The following TCEA3 variants were observed in gnomAD, a reference collection of about 807,000 sequenced individuals.
TCEA3 encodes the protein transcription elongation factor A protein 3.
A neutral mutation model predicts 44.0 loss-of-function variants in TCEA3; 36 were observed. That is an observed-to-expected ratio of 0.82 (90% CI 0.63 to 1.08). The LOEUF (loss-of-function observed/expected upper bound fraction) is 1.08, where lower values mean the gene tolerates loss of function less well. Among genes scored for constraint, TCEA3 ranks in the 50% least tolerant of loss-of-function variants. The probability of loss-of-function intolerance (pLI) is 0.00; values close to 1 mark genes in which losing one functional copy is unlikely to be tolerated. For missense variants in TCEA3, 392 were observed against 441.2 expected, an observed-to-expected ratio of 0.89 and a Z score of 1.00; for synonymous variants, 162 against 159.7, an observed-to-expected ratio of 1.01 and a Z score of -0.11.
chr1:23,396,235 A>C (rs1639211832), intron 7 of TCEA3, among the ~76,000 whole-genome samples: 1 of 152,130 alleles, frequency 6.6e-6, no homozygotes, highest in Non-Finnish European at 1.5e-5. Context: ...TGAACTCCGC[A>C]GGTAGAACCC....
chr1:23,403,963 G>T (rs1237146569), intron 5 of TCEA3: 10 of 616,592 alleles, frequency 1.6e-5, no homozygotes, highest in Non-Finnish European at 3.0e-5. Flanking sequence ...GAGCCAAACT[G>T]CAGAGAGGGC....
In TCEA3 at chr1:23,387,320, G is replaced by C; in HGVS notation, c.919C>G (p.Leu307Val). ...MAKTGGTTTD[L>V]FQCSKCKKKN... is the part of the protein sequence containing the mutation. ...TTCTTGCATTTGCTGCACTGGAAGA[G>C]GTCAGTGGTGGTGCCGCCAGTCTTG... The change falls in exon 9 of 11, where the codon CTC (leucine) becomes GTC (valine). Residue 307 changes from leucine to valine, a missense_variant. Leu to Val is a conservative substitution (Grantham distance 32, BLOSUM62 1). Transcript: ENST00000450454. 1 of 1,613,950 alleles carries C rather than the reference G, an allele frequency of 6.2e-7. No individual in the cohort carries two copies. The highest frequency in any genetic ancestry group is 8.5e-7 in the Non-Finnish European group (1 of 1,179,884).
At chr1:23,390,235 G>A (rs991778851) in intron 8 of TCEA3, among the ~76,000 whole-genome samples, 5 of 152,200 alleles carry the variant, frequency 3.3e-5, no homozygotes, top group African/African-American at 1.2e-4. Flanking sequence ...TCAGGAAGCC[G>A]AGGCGGGCAG....
At chr1:23,423,948 A>ACCTGTTCGGCCCCCGCC in intron 1 of TCEA3, 1 of 425,626 alleles carries the variant, frequency 2.3e-6, no homozygotes, top group South Asian at 1.6e-5. Context: ...GGGCCCCCGC[A>ACCTGTTCGGCCCCCGCC]CCTGTTCGGC....
At chr1:23,382,142 G>A (rs2148539185) in intron 10 of TCEA3, among the ~76,000 whole-genome samples, 1 of 151,682 alleles carries the variant, frequency 6.6e-6, no homozygotes, top group East Asian at 1.9e-4. Context: ...CGCCTCCTGA[G>A]TTCAAGCGAG....
At chr1:23,402,966 C>T (rs1274200468) in intron 5 of TCEA3, among the ~76,000 whole-genome samples, 1 of 152,188 alleles carries the variant, frequency 6.6e-6, no homozygotes, top group African/African-American at 2.4e-5. Flanking sequence ...TTTGGAAGGA[C>T]AGTGGCCCCA....
intron 5 of TCEA3, among the ~76,000 whole-genome samples, chr1:23,398,269 C>T (rs1292895549): frequency 6.6e-6 from 1 of 152,154 alleles, no homozygotes; most frequent in Non-Finnish European, 1.5e-5. Context: ...CCCAGGCAGT[C>T]GGCTCTTAAC....
Position 23,418,009 on chromosome 1 carries a change from T to C in TCEA3, c.133A>G (p.Thr45Ala). Residue 45 changes from threonine (T) to alanine (A), a missense_variant and splice_region_variant, in exon 3 of 11, where the codon ACA becomes GCA. Coordinates refer to ENST00000450454, the MANE Select transcript of TCEA3 (RefSeq NM_003196.3). The stretch of plus-strand genomic sequence containing the variant: ...TTAACAGCAACTCCAATCCTGGTTG[T>C]CTGCAAAGTGAGAGGGTTAAGGCAT... ...SCQMSIQLLQTTRIGVAVNGV... is the reference protein window; with the variant it reads ...SCQMSIQLLQATRIGVAVNGV... 1.9e-6 allele frequency: 3 copies of C among 1,614,002 alleles called. No individual in the cohort carries two copies. Among genetic ancestry groups the C allele is most frequent in the Non-Finnish European group, 2.5e-6 (3 of 1,179,870 alleles).
intron 4 of TCEA3, 116 bp from the exon 5 acceptor site, chr1:23,408,842 A>G (rs917740184): frequency 1.3e-5 from 12 of 929,660 alleles, no homozygotes; most frequent in African/African-American, 6.7e-5. Flanking sequence ...AAGGAAGCCC[A>G]CCCGGGCCAC....
At chr1:23,403,867 A>G in intron 5 of TCEA3, 1 of 522,108 alleles carries the variant, frequency 1.9e-6, no homozygotes. Context: ...CCCGGTTAGG[A>G]GCTGGCTGGC....
At chr1:23,412,809 T>C (rs1639773732) in intron 4 of TCEA3, among the ~76,000 whole-genome samples, 1 of 152,230 alleles carries the variant, frequency 6.6e-6, no homozygotes, top group Non-Finnish European at 1.5e-5. Context: ...AAAAGCTGCT[T>C]AATTTGTCTG....
At chr1:23,392,400 A>C (rs151321759) in intron 8 of TCEA3, among the ~76,000 whole-genome samples, 1 of 18,948 alleles carries the variant, frequency 5.3e-5, no homozygotes, top group African/African-American at 2.7e-4. Context: ...AACACACTCC[A>C]CACATCATCA....
At chr1:23,401,054 A>T (rs1199717972) in intron 5 of TCEA3, among the ~76,000 whole-genome samples, 1 of 152,192 alleles carries the variant, frequency 6.6e-6, no homozygotes, top group Non-Finnish European at 1.5e-5. Context: ...CTCAGGATCA[A>T]CAACCTGGAG....
At chr1:23,387,860 C>T (rs576882628) in intron 8 of TCEA3, among the ~76,000 whole-genome samples, 39 of 152,300 alleles carry the variant, frequency 2.6e-4, no homozygotes, top group Admixed American at 1.2e-3. Flanking sequence ...CCCTGCTGTT[C>T]TGCTTAGTGG....
intron 8 of TCEA3, among the ~76,000 whole-genome samples, chr1:23,390,244 A>C (rs559197021): frequency 1.3e-5 from 2 of 152,262 alleles, no homozygotes; most frequent in Admixed American, 1.3e-4. Flanking sequence ...CGAGGCGGGC[A>C]GATCACCTGA....
Position 23,419,064 on chromosome 1 carries a change from ACCCCCG to A in TCEA3, c.132+7_132+12del. ...CCCAGGCACTGTCCCAAGGCTTCCC[ACCCCCG>A]CCCCACCTGTAGTAGCTGGATGGAC... is the stretch of plus-strand genomic sequence containing the variant. On this transcript the variant is annotated splice_region_variant and intron_variant, in intron 2 of 10. Coordinates refer to ENST00000450454, the MANE Select transcript of TCEA3 (RefSeq NM_003196.3). The A allele has an allele frequency of 1.9e-6, 1 of 526,864 alleles. No homozygotes were observed. The highest frequency in any genetic ancestry group is 2.6e-6 in the Non-Finnish European group (1 of 380,728). 32.6% of individuals were successfully genotyped at this position (526,864 alleles called of 1,614,324 possible).
intron 8 of TCEA3, among the ~76,000 whole-genome samples, chr1:23,388,080 C>T (rs917288398): frequency 1.3e-5 from 2 of 152,154 alleles, no homozygotes; most frequent in African/African-American, 4.8e-5. Context: ...GTCCATCTCC[C>T]TGGCCACTTG....
chr1:23,411,312 A>G (rs1458895635), intron 4 of TCEA3, among the ~76,000 whole-genome samples: 1 of 152,048 alleles, frequency 6.6e-6, no homozygotes, highest in Non-Finnish European at 1.5e-5. Context: ...ACGCGCCACC[A>G]TTCCCGGCTA....
At position 23,381,163 on chromosome 1, in the gene TCEA3, C is replaced by T; in HGVS notation, c.*303G>A. On this transcript the variant is annotated 3_prime_UTR_variant, in exon 11 of 11. Transcript: ENST00000450454. ...CTTCTGGGGTTAAGCGATTCTCCCA[C>T]CTCAGCCTCCCAGAGTTTGCAGATT... 1 of 371,298 alleles carries T rather than the reference C, an allele frequency of 2.7e-6. No individual in the cohort carries two copies. Among genetic ancestry groups the T allele is most frequent in the East Asian group, 5.2e-5 (1 of 19,264 alleles). 23.0% of individuals were successfully genotyped at this position (371,298 alleles called of 1,614,324 possible). A position where few individuals can be genotyped will look rare whatever the true frequency, so the allele number is the denominator to read the frequency against.
Sources: gnomAD v4.1 joint callset for allele counts (sites outside exome capture counted in the v4.1 genomes callset) on GRCh38, gnomAD v4.1.1 for gene constraint, MANE v1.5 for transcripts, NCBI Gene and HGNC (gene_info 2026-07-23, HGNC 2026-07-21) for gene names.